TAF4: variants seen among roughly 807,000 people sequenced by gnomAD.
TAF4 encodes the protein TATA-box binding protein associated factor 4.
A neutral mutation model predicts 90.3 loss-of-function variants in TAF4; 9 were observed. That is an observed-to-expected ratio of 0.10 (90% confidence interval 0.06 to 0.17). The LOEUF (loss-of-function observed/expected upper bound fraction) is 0.17. TAF4 is among the 10% of genes least tolerant of loss of function. The pLI is 1.00. For synonymous variants in TAF4, 818 were observed against 638.9 expected (o/e 1.28, Z -4.23); for missense variants, 1,351 against 1,370.7 (o/e 0.99, Z 0.23).
At chr20:62,012,967 G>T in intron 2 of TAF4, 33 bp from the exon 3 acceptor site, 1 of 1,609,780 alleles carries the variant, frequency 6.2e-7, no homozygotes, top group Non-Finnish European at 8.5e-7. Context: ...TAAAACGAGC[G>T]CAAGTAAAAG....
intron 1 of TAF4, among the ~76,000 whole-genome samples, chr20:62,062,917 A>G (rs1393917920): frequency 2.0e-5 from 3 of 152,232 alleles, no homozygotes; most frequent in Non-Finnish European, 4.4e-5. Flanking sequence ...GACCTCTGGA[A>G]AAACATTTTT....
At chr20:61,990,111 G>A (rs1049671943) in intron 14 of TAF4, among the ~76,000 whole-genome samples, 2 of 152,176 alleles carry the variant, frequency 1.3e-5, no homozygotes, top group African/African-American at 4.8e-5. Context: ...TGACCAGGAG[G>A]GCTGCCTAGT....
chr20:62,044,971 A>G (rs562861189), intron 1 of TAF4, among the ~76,000 whole-genome samples: 5 of 152,328 alleles, frequency 3.3e-5, no homozygotes, highest in South Asian at 4.1e-4. Context: ...GCAGTCCGAC[A>G]TGGCAATGGA....
chr20:62,065,217 C>A lies in TAF4; in HGVS notation c.594G>T (p.Leu198Phe), dbSNP rs1245077590. The A allele has an allele frequency of 2.0e-5, 23 of 1,161,330 alleles. No homozygotes were observed. Among genetic ancestry groups the A allele is most frequent in the Non-Finnish European group, 2.1e-5 (19 of 921,946 alleles). 71.9% of individuals were successfully genotyped at this position (1,161,330 alleles called of 1,614,324 possible). Reference sequence around the variant, plus strand: ...AGTTCAGCAGCGCGGCGCTCCCATTCAAAGTTTGCGCGGCGCCGGGGCCGG... The same window carrying A: ...AGTTCAGCAGCGCGGCGCTCCCATTAAAAGTTTGCGCGGCGCCGGGGCCGG... ...KPAGPGAAQT[L>F]NGSAALLNSH... Residue 198 changes from leucine (L) to phenylalanine (F), a missense_variant, in exon 1 of 15, where the codon TTG (leucine) becomes TTT (phenylalanine). Physicochemically the swap from Leu to Phe is conservative, Grantham distance 22 (BLOSUM62 0). Around this residue, in one of 9 missense-constraint regions of TAF4, gnomAD observed 782 missense variants for 536.6 expected, o/e 1.46. Coordinates refer to ENST00000252996, the MANE Select transcript of TAF4 (RefSeq NM_003185.4).
At chr20:62,031,466 C>T (rs574855650) in intron 1 of TAF4, among the ~76,000 whole-genome samples, 1 of 152,304 alleles carries the variant, frequency 6.6e-6, no homozygotes, top group East Asian at 1.9e-4. Flanking sequence ...TAACAGAGAG[C>T]CTTCACTTCT....
In TAF4 at chr20:62,003,834, C is replaced by T. The variant is rs113665926; in HGVS notation, c.2268G>A (p.Pro756=). Residue 756 remains proline, a synonymous_variant, in exon 8 of 15, where the codon CCG becomes CCA. Coordinates refer to ENST00000252996, the MANE Select transcript of TAF4 (RefSeq NM_003185.4). ...PPKPGALIRP[P]QVTLTQTPMV... is the part of the protein sequence containing the mutation. The stretch of plus-strand genomic sequence containing the variant: ...TGGGTGTCTGCGTCAACGTCACCTG[C>T]GGGGGCCGGATCAGGGCTCCTGGCT... 3.7e-4 allele frequency: 597 copies of T among 1,599,832 alleles called. 1 individual carries two copies. The African/African-American group carries it at 5.1e-3, about 14-fold the overall frequency.
intron 14 of TAF4, among the ~76,000 whole-genome samples, chr20:61,994,509 G>A (rs2055651644): frequency 6.6e-6 from 1 of 152,360 alleles, no homozygotes; most frequent in Non-Finnish European, 1.5e-5. Flanking sequence ...TACTGTCCCA[G>A]GAGGGATTTC....
chr20:61,998,924 A>G (rs1455151652), intron 12 of TAF4, 59 bp downstream of exon 12: 3 of 1,595,808 alleles, frequency 1.9e-6, no homozygotes, highest in Non-Finnish European at 2.6e-6. Context: ...CAGTGAGCTC[A>G]TCAGGTTGTG....
intron 14 of TAF4, among the ~76,000 whole-genome samples, chr20:61,987,311 GA>G (rs1480196714): frequency 6.6e-6 from 1 of 152,154 alleles, no homozygotes; most frequent in African/African-American, 2.4e-5. Context: ...CCACCAAGCA[GA>G]GGAGACCAAG....
intron 5 of TAF4, among the ~76,000 whole-genome samples, chr20:62,008,650 G>A (rs28382073): frequency 0.026 from 4,006 of 152,304 alleles, 192 homozygotes; most frequent in African/African-American, 0.092. Flanking sequence ...CAGAATGCCT[G>A]TTCCAGCCGG....
At chr20:62,009,276 T>C (rs1347750496) in intron 4 of TAF4, 102 bp from the exon 5 acceptor site, 2 of 1,178,056 alleles carry the variant, frequency 1.7e-6, no homozygotes, top group African/African-American at 3.1e-5. Flanking sequence ...GATACATATA[T>C]TTCTTCTCTA....
intron 1 of TAF4, among the ~76,000 whole-genome samples, chr20:62,048,150 G>A (rs1380050007): frequency 2.0e-5 from 3 of 152,230 alleles, no homozygotes; most frequent in Admixed American, 2.0e-4. Flanking sequence ...AATTCCCTGT[G>A]GCTGCGACAT....
chr20:62,040,252 C>T (rs2055956211), intron 1 of TAF4, among the ~76,000 whole-genome samples: 1 of 152,248 alleles, frequency 6.6e-6, no homozygotes, highest in African/African-American at 2.4e-5. Context: ...AGATCACCTG[C>T]GGTCCAGCCG....
At chr20:61,992,437 C>T (rs938290888) in intron 14 of TAF4, among the ~76,000 whole-genome samples, 79 of 152,006 alleles carry the variant, frequency 5.2e-4, no homozygotes, top group African/African-American at 1.8e-3. Context: ...ATTTTAATCT[C>T]TCCTTCTCCT....
At chr20:62,054,545 A>C (rs2056049766) in intron 1 of TAF4, among the ~76,000 whole-genome samples, 1 of 152,138 alleles carries the variant, frequency 6.6e-6, no homozygotes, top group Non-Finnish European at 1.5e-5. Flanking sequence ...CGGCCACGCC[A>C]TGTCCTTCCA....
Position 62,010,234 on chromosome 20 carries a change from CA to C in TAF4, c.1642-70del. ...CAGCTGACGAGGGGGAGACCAGCCT[CA>C]CGCCCAGCAAAAGAAAACAAGCCTC... On this transcript the variant is annotated intron_variant, in intron 3 of 14. Coordinates refer to ENST00000252996, the MANE Select transcript of TAF4 (RefSeq NM_003185.4). This position sits in a 1 kb window ranked among gnomAD's most constrained non-coding sequence, Gnocchi z 4.5. The C allele has an allele frequency of 6.2e-7, 1 of 1,605,362 alleles. No individual in the cohort carries two copies. Among genetic ancestry groups the C allele is most frequent in the Non-Finnish European group, 8.5e-7 (1 of 1,176,338 alleles).
chr20:62,064,793 G>T lies in TAF4; in HGVS notation c.1018C>A (p.Pro340Thr). 9.7e-7 allele frequency: 1 copy of T among 1,030,740 alleles called. No homozygotes were observed. Among genetic ancestry groups the T allele is most frequent in the South Asian group, 4.5e-5 (1 of 22,366 alleles). The allele number at this position is 1,030,740 out of a possible 1,614,324, so 63.8% of individuals were successfully genotyped here. Residue 340 changes from proline to threonine, a missense_variant, in exon 1 of 15, where the codon CCG (proline) becomes ACG (threonine). This residue lies in a region of TAF4 where 782 missense variants were observed against 536.6 expected (regional missense o/e 1.46). Transcript: ENST00000252996. ...TTGGGCGACTCGGCCTTGACCCCCG[G>T]CGCCGGCGCCGCAGCCGCCGCGCCG... ...GPGAAAAAPAPGVKAESPKRV... is the reference protein window; with the variant it reads ...GPGAAAAAPATGVKAESPKRV...
At chr20:62,034,711 AAT>A (rs1309806491) in intron 1 of TAF4, among the ~76,000 whole-genome samples, 3 of 152,240 alleles carry the variant, frequency 2.0e-5, no homozygotes, top group African/African-American at 7.2e-5. Flanking sequence ...TATCTAACAA[AAT>A]ATGTGTAAGA....
intron 14 of TAF4, among the ~76,000 whole-genome samples, chr20:61,984,036 G>A (rs2055566806): frequency 6.6e-6 from 1 of 152,184 alleles, no homozygotes; most frequent in South Asian, 2.1e-4. Context: ...AAACGCAGGA[G>A]ATGCGACGAG....
Sources: gnomAD v4.1 joint callset for allele counts (sites outside exome capture counted in the v4.1 genomes callset) on GRCh38, gnomAD v4.1.1 for gene constraint, gnomAD v4.1.1 regional missense constraint, Gnocchi (gnomAD v3.1) non-coding constraint, MANE v1.5 for transcripts, NCBI Gene and HGNC (gene_info 2026-07-23, HGNC 2026-07-21) for gene names.